The following TGS1 variants were observed in gnomAD, a reference collection of about 807,000 sequenced individuals.
TGS1 encodes the protein trimethylguanosine synthase 1.
A neutral mutation model predicts 92.2 loss-of-function variants in TGS1; 69 were observed. That is an observed-to-expected ratio of 0.75 (90% CI 0.62 to 0.91). The LOEUF (loss-of-function observed/expected upper bound fraction) is 0.91. Ranked by LOEUF, TGS1 falls within the 40% of genes least tolerant of loss-of-function variation. TGS1 has a pLI of 0.00. For missense variants in TGS1, 1,062 were observed against 1,001.2 expected, an observed-to-expected ratio of 1.06 and a Z score of -0.82; for synonymous variants, 345 against 338.1, an observed-to-expected ratio of 1.02 and a Z score of -0.22.
intron 2 of TGS1, among the ~76,000 whole-genome samples, chr8:55,784,178 A>G (rs1811646780): frequency 6.6e-6 from 1 of 152,180 alleles, no homozygotes; most frequent in South Asian, 2.1e-4. Flanking sequence ...ATTTTTTGTT[A>G]TCTCACATTT....
intron 1 of TGS1, among the ~76,000 whole-genome samples, chr8:55,778,711 T>G (rs189352159): frequency 1.3e-5 from 2 of 152,370 alleles, no homozygotes; most frequent in East Asian, 3.9e-4. Context: ...TCACATATTA[T>G]TTCTGTGATC....
chr8:55,781,968 A>T (rs1244090659), intron 1 of TGS1, among the ~76,000 whole-genome samples: 1 of 152,148 alleles, frequency 6.6e-6, no homozygotes, highest in Non-Finnish European at 1.5e-5. Flanking sequence ...TCAGACCATG[A>T]ATACCTTGTC....
chr8:55,795,963 T>C lies in TGS1; in HGVS notation c.1368-15T>C, dbSNP rs779157712. The C allele has an allele frequency of 1.9e-5, 30 of 1,592,258 alleles. No homozygotes were observed. The highest frequency in any genetic ancestry group is 2.6e-5 in the Non-Finnish European group (30 of 1,171,110). ...AGAATTTAAGTTGTGAATAACTTCT[T>C]TTGATCTGTCACAGATATGGTGGAA... On this transcript the variant is annotated splice_polypyrimidine_tract_variant and intron_variant, in intron 6 of 12. Transcript: ENST00000260129.
intron 10 of TGS1, among the ~76,000 whole-genome samples, chr8:55,810,638 G>A (rs543033073): frequency 3.9e-5 from 6 of 152,310 alleles, no homozygotes; most frequent in African/African-American, 1.2e-4. Flanking sequence ...AGGAAAAGCT[G>A]TAGAATGAGA....
At chr8:55,809,757 T>C (rs980571453) in intron 10 of TGS1, among the ~76,000 whole-genome samples, 3 of 152,228 alleles carry the variant, frequency 2.0e-5, no homozygotes, top group Non-Finnish European at 4.4e-5. Context: ...ATGTGATAGA[T>C]TGAATGCTTC....
intron 12 of TGS1, among the ~76,000 whole-genome samples, chr8:55,814,670 A>ATATATATAT (rs1461083210): frequency 4.6e-5 from 6 of 129,814 alleles, no homozygotes; most frequent in African/African-American, 2.0e-4. Context: ...AAAAAAAAAA[A>ATATATATAT]AAAAATATAT....
At chr8:55,785,058 G>GTTTT (rs1262385274) in intron 2 of TGS1, among the ~76,000 whole-genome samples, 17 of 143,658 alleles carry the variant, frequency 1.2e-4, no homozygotes, top group African/African-American at 2.1e-4. Context: ...GGTGTTTTTT[G>GTTTT]TTTTTTGTTT....
At chr8:55,796,322 G>GA (rs1812049477) in intron 7 of TGS1, among the ~76,000 whole-genome samples, 170 bp downstream of exon 7, 1 of 151,160 alleles carries the variant, frequency 6.6e-6, no homozygotes, top group Admixed American at 6.6e-5. Flanking sequence ...AACTAAATCT[G>GA]AAAAAAGGCA....
intron 4 of TGS1, 183 bp from the exon 5 acceptor site, chr8:55,789,999 A>AG: frequency 5.6e-6 from 3 of 538,190 alleles, no homozygotes; most frequent in Non-Finnish European, 1.0e-5. Context: ...CCTTATAGTT[A>AG]AGATTTTTAA....
chr8:55,773,862 C>T, intron 1 of TGS1, 143 bp downstream of exon 1: 3 of 639,060 alleles, frequency 4.7e-6, no homozygotes, highest in South Asian at 3.8e-5. Flanking sequence ...AAAAACAAAA[C>T]CCTCAGACAT....
At chr8:55,807,959 T>C (rs1460230861) in intron 10 of TGS1, among the ~76,000 whole-genome samples, 1 of 152,254 alleles carries the variant, frequency 6.6e-6, no homozygotes, top group African/African-American at 2.4e-5. Context: ...ATGAAGTTAA[T>C]GTTAAGTAGG....
chr8:55,794,226 T>C (rs896604479), intron 6 of TGS1, among the ~76,000 whole-genome samples: 3 of 152,138 alleles, frequency 2.0e-5, no homozygotes, highest in African/African-American at 7.2e-5. Flanking sequence ...AGTGCTGTTT[T>C]AAGTTTTTTC....
intron 1 of TGS1, among the ~76,000 whole-genome samples, chr8:55,781,045 A>T (rs979069917): frequency 2.0e-5 from 3 of 152,188 alleles, no homozygotes; most frequent in African/African-American, 7.2e-5. Flanking sequence ...TTTCGTGGAA[A>T]ATAGTATTTA....
intron 10 of TGS1, 94 bp from the exon 11 acceptor site, chr8:55,810,787 A>AT: frequency 2.0e-6 from 2 of 1,021,398 alleles, no homozygotes; most frequent in East Asian, 4.8e-5. Context: ...AAGAGTTCTT[A>AT]TACAGAAGAT....
chr8:55,787,192 A>C, intron 4 of TGS1, 132 bp downstream of exon 4: 1 of 655,008 alleles, frequency 1.5e-6, no homozygotes, highest in East Asian at 2.8e-5. Context: ...GAAATGATTT[A>C]ATCCATCCTG....
In TGS1 at chr8:55,790,273, G is replaced by A. The variant is rs147948851; in HGVS notation, c.1254G>A (p.Glu418=). ...ATGAAAGTGAGGAAGACCCACCTGA[G>A]CATAAGCCAAGCAAACTGAAGAGGA... ...DGDESEEDPP[E]HKPSKLKRSH... Residue 418 remains glutamate (E), a synonymous_variant, in exon 5 of 13, where the codon GAG becomes GAA. Transcript: ENST00000260129. The A allele has an allele frequency of 6.2e-7, 1 of 1,613,926 alleles. No individual in the cohort carries two copies.
At chr8:55,781,243 G>A (rs1217282800) in intron 1 of TGS1, among the ~76,000 whole-genome samples, 1 of 151,936 alleles carries the variant, frequency 6.6e-6, no homozygotes, top group Non-Finnish European at 1.5e-5. Flanking sequence ...AATGCCATGA[G>A]TTTATAACAG....
chr8:55,796,252 G>T, intron 7 of TGS1, 100 bp downstream of exon 7: 1 of 872,410 alleles, frequency 1.1e-6, no homozygotes, highest in Non-Finnish European at 1.7e-6. Context: ...GTTTCTACCA[G>T]GTATCAAGGT....
chr8:55,783,830 T>TTC (rs1423833810), intron 2 of TGS1, among the ~76,000 whole-genome samples: 1 of 152,244 alleles, frequency 6.6e-6, no homozygotes, highest in African/African-American at 2.4e-5. Flanking sequence ...TGGTTTGTGT[T>TTC]TCAGTGCTAT....
Sources: allele counts gnomAD v4.1 joint callset (sites outside exome capture counted in the v4.1 genomes callset), GRCh38; gene constraint gnomAD v4.1.1; transcripts MANE v1.5; gene names NCBI Gene and HGNC (gene_info 2026-07-23, HGNC 2026-07-21).